FILIP1: variants seen among roughly 807,000 people sequenced by gnomAD.
The protein encoded by FILIP1 is filamin A interacting protein 1.
A neutral mutation model predicts 102.1 loss-of-function variants in FILIP1; 61 were observed. The ratio of observed to expected loss-of-function variants is 0.60; its 90% CI spans 0.49 to 0.74. The LOEUF (loss-of-function observed/expected upper bound fraction) is 0.74. Ranked by LOEUF, FILIP1 falls within the 30% of genes least tolerant of loss-of-function variation. FILIP1 has a pLI of 0.00. For synonymous variants in FILIP1, 491 were observed against 526.9 expected (o/e 0.93, Z 0.93); for missense variants, 1,314 against 1,441.2 (o/e 0.91, Z 1.43).
intron 4 of FILIP1, among the ~76,000 whole-genome samples, chr6:75,325,811 A>G (rs888909230): frequency 2.0e-5 from 3 of 152,236 alleles, no homozygotes; most frequent in African/African-American, 7.2e-5. Context: ...TGCTGGTGGG[A>G]ATGTAAACTA....
intron 4 of FILIP1, among the ~76,000 whole-genome samples, chr6:75,317,146 TCTAA>T (rs1385975343): frequency 6.6e-6 from 1 of 152,252 alleles, no homozygotes; most frequent in Non-Finnish European, 1.5e-5. Context: ...TCTGTCACTT[TCTAA>T]CTGTGTAATC....
chr6:75,478,559 CATG>C (rs1779554998), intron 1 of FILIP1, among the ~76,000 whole-genome samples: 1 of 152,110 alleles, frequency 6.6e-6, no homozygotes. Flanking sequence ...GTGATAGAGG[CATG>C]ATGATACAGA....
chr6:75,422,032 A>C (rs1199145366), intron 1 of FILIP1, among the ~76,000 whole-genome samples: 1 of 152,092 alleles, frequency 6.6e-6, no homozygotes, highest in Non-Finnish European at 1.5e-5. Context: ...TTTTTACTTC[A>C]ATCACAGAAA....
chr6:75,418,493 A>G (rs1777346100), intron 1 of FILIP1, among the ~76,000 whole-genome samples: 1 of 152,216 alleles, frequency 6.6e-6, no homozygotes, highest in African/African-American at 2.4e-5. Flanking sequence ...CATTGTGTTA[A>G]AAGCCCTGGA....
At chr6:75,389,418 T>C (rs1776209566) in intron 2 of FILIP1, among the ~76,000 whole-genome samples, 1 of 152,184 alleles carries the variant, frequency 6.6e-6, no homozygotes, top group African/African-American at 2.4e-5. Flanking sequence ...CCTCTTTTTC[T>C]ATTGATTGGA....
At chr6:75,364,588 A>G (rs959418984) in intron 2 of FILIP1, among the ~76,000 whole-genome samples, 4 of 152,230 alleles carry the variant, frequency 2.6e-5, no homozygotes, top group Non-Finnish European at 5.9e-5. Flanking sequence ...ATAATGATTC[A>G]CAATGCTGAC....
chr6:75,397,589 T>C (rs2149666396), intron 2 of FILIP1, among the ~76,000 whole-genome samples: 1 of 149,468 alleles, frequency 6.7e-6, no homozygotes, highest in African/African-American at 2.5e-5. Context: ...CGTATACATA[T>C]ATATATATAT....
At chr6:75,429,884 A>G (rs1256320285) in intron 1 of FILIP1, among the ~76,000 whole-genome samples, 2 of 152,254 alleles carry the variant, frequency 1.3e-5, no homozygotes, top group Non-Finnish European at 2.9e-5. Context: ...ATGATACTGC[A>G]TAACAAGCAC....
intron 1 of FILIP1, among the ~76,000 whole-genome samples, chr6:75,440,192 C>T (rs1778164422): frequency 6.6e-6 from 1 of 152,050 alleles, no homozygotes; most frequent in East Asian, 1.9e-4. Flanking sequence ...TTTTGGGAAT[C>T]TAACATTATT....
chr6:75,337,448 A>G (rs1774280364), intron 4 of FILIP1, among the ~76,000 whole-genome samples: 1 of 152,220 alleles, frequency 6.6e-6, no homozygotes, highest in Admixed American at 6.5e-5. Context: ...TGAATTATGA[A>G]AAAGATCTAG....
At chr6:75,485,094 TG>T (rs1174455643) in intron 1 of FILIP1, among the ~76,000 whole-genome samples, 18 of 152,186 alleles carry the variant, frequency 1.2e-4, no homozygotes, top group Non-Finnish European at 2.4e-4. Flanking sequence ...TTTTCTCCTT[TG>T]ACACTATTAC....
chr6:75,341,959 C>CTATG (rs1367297240), intron 4 of FILIP1, among the ~76,000 whole-genome samples: 1 of 152,184 alleles, frequency 6.6e-6, no homozygotes, highest in Admixed American at 6.5e-5. Context: ...GTATTACATG[C>CTATG]TATGCCTTGT....
At position 75,313,653 on chromosome 6, in the gene FILIP1, G is replaced by A. The variant is rs1250625880; in HGVS notation, c.2179C>T (p.Leu727Phe). 1.3e-6 allele frequency: 2 copies of A among 1,582,286 alleles called. No homozygotes were observed. Among genetic ancestry groups the A allele is most frequent in the Non-Finnish European group, 1.7e-6 (2 of 1,168,756 alleles). ...ATTAATTCGTGAATCTTCTCTTTAA[G>A]AGCTTGTACTTCGGCTTTTAAGTCT... ...SRDLKAEVQA[L>F]KEKIHELMNK... Residue 727 changes from leucine (L) to phenylalanine (F), a missense_variant, in exon 5 of 6, where the codon CTT (leucine) becomes TTT (phenylalanine). This residue lies in a region of FILIP1 where 816 missense variants were observed against 913.1 expected (regional missense o/e 0.89). Coordinates refer to ENST00000237172, the MANE Select transcript of FILIP1 (RefSeq NM_015687.5). This position sits in a 1 kb window ranked among gnomAD's most constrained non-coding sequence, Gnocchi z 4.2.
At chr6:75,363,014 C>G (rs989129931) in intron 2 of FILIP1, 97 bp from the exon 3 acceptor site, 2 of 1,211,018 alleles carry the variant, frequency 1.7e-6, no homozygotes, top group Non-Finnish European at 2.3e-6. Flanking sequence ...ACATCCCCAT[C>G]TTGTCAGGGC....
chr6:75,473,135 A>C (rs920683107), intron 1 of FILIP1, among the ~76,000 whole-genome samples: 2 of 152,184 alleles, frequency 1.3e-5, no homozygotes, highest in African/African-American at 4.8e-5. Flanking sequence ...ATTTGAGAAG[A>C]TCATATGTTG....
intron 1 of FILIP1, among the ~76,000 whole-genome samples, chr6:75,429,283 G>A (rs1238220582): frequency 6.6e-6 from 1 of 152,144 alleles, no homozygotes; most frequent in Non-Finnish European, 1.5e-5. Context: ...AGCCTGGATG[G>A]CAAACAGAAA....
chr6:75,366,421 AT>A (rs1288521509), intron 2 of FILIP1, among the ~76,000 whole-genome samples: 6 of 152,344 alleles, frequency 3.9e-5, no homozygotes, highest in African/African-American at 1.4e-4. Context: ...AAATATAGGA[AT>A]AAAATTTTTA....
At chr6:75,311,515 G>C (rs1773185060) in intron 5 of FILIP1, among the ~76,000 whole-genome samples, 1 of 151,860 alleles carries the variant, frequency 6.6e-6, no homozygotes, top group African/African-American at 2.4e-5. Context: ...TTGTTTGTTT[G>C]AGATGGAGTC....
intron 2 of FILIP1, among the ~76,000 whole-genome samples, chr6:75,405,598 G>C (rs1167504297): frequency 6.6e-6 from 1 of 152,156 alleles, no homozygotes; most frequent in African/African-American, 2.4e-5. Flanking sequence ...TACTTCTATA[G>C]AAGGGTGTGC....
Sources: allele counts gnomAD v4.1 joint callset (sites outside exome capture counted in the v4.1 genomes callset), GRCh38; gene constraint gnomAD v4.1.1; regional missense constraint gnomAD v4.1.1; non-coding constraint Gnocchi (gnomAD v3.1); transcripts MANE v1.5; gene names NCBI Gene and HGNC (gene_info 2026-07-23, HGNC 2026-07-21).